IL13RA1: variants seen among roughly 807,000 people sequenced by gnomAD.
IL13RA1 encodes the protein interleukin-13 receptor subunit alpha-1.
IL13RA1 carries 14 observed loss-of-function variants against 33.8 expected under a neutral mutation model. The ratio of observed to expected loss-of-function variants is 0.41; its 90% confidence interval spans 0.27 to 0.65. The LOEUF (loss-of-function observed/expected upper bound fraction) is 0.65, where lower values mean the gene tolerates loss of function less well. Among genes scored for constraint, IL13RA1 ranks in the 30% least tolerant of loss-of-function variants. The probability of loss-of-function intolerance (pLI) is 0.28; values close to 1 mark genes in which losing one functional copy is unlikely to be tolerated. For synonymous variants in IL13RA1, 116 were observed against 115.7 expected (o/e 1.00, Z -0.02); for missense variants, 313 against 327.0 (o/e 0.96, Z 0.33).
At chrX:118,730,775 C>T (rs2147361246) in intron 1 of IL13RA1, among the ~76,000 whole-genome samples, 1 of 112,049 alleles carries the variant, frequency 8.9e-6, no homozygotes, top group East Asian at 2.8e-4. Flanking sequence ...GCGAACCCTT[C>T]CTGTCCAGGA....
intron 8 of IL13RA1, chrX:118,770,435 C>T (rs1055167634): frequency 2.5e-6 from 1 of 400,858 alleles, no homozygotes; most frequent in African/African-American, 2.5e-5. Context: ...CTGGCACTGG[C>T]CTTCCATGGC....
intron 8 of IL13RA1, among the ~76,000 whole-genome samples, chrX:118,768,067 T>A (rs921202461): frequency 9.0e-6 from 1 of 111,647 alleles, no homozygotes; most frequent in Non-Finnish European, 1.9e-5. Context: ...TTTCTAATAT[T>A]TGAGGTATTG....
intron 4 of IL13RA1, among the ~76,000 whole-genome samples, chrX:118,752,047 G>GTT (rs1569455758): frequency 9.1e-6 from 1 of 110,468 alleles, no homozygotes; most frequent in Non-Finnish European, 1.9e-5. Context: ...GTTCTGTGTG[G>GTT]TTATGTCTGA....
At chrX:118,784,088 A>ATATATAT (rs1486333613) in intron 10 of IL13RA1, among the ~76,000 whole-genome samples, 3 of 50,773 alleles carry the variant, frequency 5.9e-5, no homozygotes, top group Admixed American at 3.6e-4. Context: ...AAAAAAAAAA[A>ATATATAT]AAATATATAT....
In IL13RA1 at chrX:118,773,876, C is replaced by T; in HGVS notation, c.1010-3C>T. 1 of 895,072 alleles carries T rather than the reference C, an allele frequency of 1.1e-6. No homozygotes were observed. The highest frequency in any genetic ancestry group is 1.9e-5 in the African/African-American group (1 of 51,673). The allele number at this position is 895,072 out of a possible 1,213,427, so 73.8% of individuals were successfully genotyped here. A position where few individuals can be genotyped will look rare whatever the true frequency, so the allele number is the denominator to read the frequency against. On this transcript the variant is annotated splice_polypyrimidine_tract_variant and splice_region_variant and intron_variant, in intron 8 of 10. Coordinates refer to ENST00000371666, the MANE Select transcript of IL13RA1 (RefSeq NM_001560.3). ...GTCTTTCTGTTTGCTTTTCATTCTCCAGGTAAGAAGCGCAATTCCACACTC... is the reference window on the plus strand; with the variant it reads ...GTCTTTCTGTTTGCTTTTCATTCTCTAGGTAAGAAGCGCAATTCCACACTC...
chrX:118,799,642 G>A, the IL13RA1 span, among the ~76,000 whole-genome samples: 1 of 106,222 alleles, frequency 9.4e-6, no homozygotes, highest in South Asian at 4.4e-4. Context: ...TGCACCAATC[G>A]ACACTCTGTA....
downstream of IL13RA1, among the ~76,000 whole-genome samples, chrX:118,795,211 C>CAAAAAAAA (rs1222782237): frequency 1.1e-4 from 3 of 26,963 alleles, no homozygotes; most frequent in African/African-American, 4.7e-4. Flanking sequence ...GACTCCGTCT[C>CAAAAAAAA]AAAAAAAAAA....
At chrX:118,773,553 G>C (rs1428858391) in intron 8 of IL13RA1, among the ~76,000 whole-genome samples, 1 of 112,071 alleles carries the variant, frequency 8.9e-6, no homozygotes, top group Non-Finnish European at 1.9e-5. Context: ...TTCTGATCCA[G>C]ATTAAATTAA....
Position 118,784,088 on chromosome X carries a change from AAAATATAT to A in IL13RA1, c.1191+7579_1191+7586del, listed in dbSNP as rs1463631501. On this transcript the variant is annotated intron_variant, in intron 10 of 10. Coordinates refer to ENST00000371666, the MANE Select transcript of IL13RA1 (RefSeq NM_001560.3). ...TGAGACTCTGTCGCCAAAAAAAAAA[AAAATATAT>A]ATATATATATATACGTATATATGTA... Among the ~76,000 whole-genome samples the A allele has an allele frequency of 1.4e-3, 69 of 50,747 alleles. 1 individual carries two copies. Among genetic ancestry groups the A allele is most frequent in the African/African-American group, 6.4e-3 (65 of 10,134 alleles). The allele number at this position is 50,747 out of a possible 115,157, so 44.1% of individuals were successfully genotyped here. A position where few individuals can be genotyped will look rare whatever the true frequency, so the allele number is the denominator to read the frequency against.
chrX:118,762,216 T>G (rs1014821330), intron 6 of IL13RA1, among the ~76,000 whole-genome samples: 8 of 112,942 alleles, frequency 7.1e-5, no homozygotes, highest in Middle Eastern at 4.2e-3. Flanking sequence ...TCACACTTTT[T>G]TGTGTGGAAC....
In IL13RA1 at chrX:118,749,787, G is replaced by A. The variant is rs1251496582; in HGVS notation, c.488+9G>A. 8.9e-7 allele frequency: 1 copy of A among 1,117,934 alleles called. No individual in the cohort carries two copies. Among genetic ancestry groups the A allele is most frequent in the Admixed American group, 2.2e-5 (1 of 45,514 alleles). The allele number at this position is 1,117,934 out of a possible 1,213,427, so 92.1% of individuals were successfully genotyped here. A position where few individuals can be genotyped will look rare whatever the true frequency, so the allele number is the denominator to read the frequency against. Reference sequence around the variant, plus strand: ...TATACTCTCTACTATTGGTGAGTATGTACAGTACAATTACTGGAAGACTGA... The same window carrying A: ...TATACTCTCTACTATTGGTGAGTATATACAGTACAATTACTGGAAGACTGA... On this transcript the variant is annotated intron_variant, in intron 4 of 10. Transcript: ENST00000371666.
chrX:118,730,941 G>C (rs1269298169), intron 1 of IL13RA1, among the ~76,000 whole-genome samples: 1 of 112,557 alleles, frequency 8.9e-6, no homozygotes, highest in African/African-American at 3.2e-5. Context: ...TATGACTCTT[G>C]TGATTTCCTT....
intron 10 of IL13RA1, among the ~76,000 whole-genome samples, chrX:118,784,622 C>T (rs190116249): frequency 9.0e-6 from 1 of 111,519 alleles, no homozygotes; most frequent in East Asian, 2.8e-4. Flanking sequence ...ATGCTCACTA[C>T]CATTTTTTAT....
At chrX:118,784,009 G>A (rs1426844464) in intron 10 of IL13RA1, among the ~76,000 whole-genome samples, 1 of 95,318 alleles carries the variant, frequency 1.0e-5, no homozygotes, top group Admixed American at 1.2e-4. Flanking sequence ...CTGGGAGGCG[G>A]AGGTTGTAAT....
chrX:118,773,797 A>G, intron 8 of IL13RA1, 82 bp from the exon 9 acceptor site: 1 of 556,233 alleles, frequency 1.8e-6, no homozygotes. Context: ...TTGTGATCTT[A>G]CTAGCTAACA....
chrX:118,748,005 T>TTTTGTGTG (rs369385798), intron 3 of IL13RA1, among the ~76,000 whole-genome samples: 1 of 88,877 alleles, frequency 1.1e-5, no homozygotes, highest in Non-Finnish European at 2.2e-5. Flanking sequence ...AGAGTGAATG[T>TTTTGTGTG]TGTGTGTGTG....
the IL13RA1 span, among the ~76,000 whole-genome samples, chrX:118,802,201 T>G: frequency 5.4e-5 from 6 of 111,858 alleles, no homozygotes; most frequent in Non-Finnish European, 7.5e-5. Context: ...AATGGACAAT[T>G]AACAAACATC....
At chrX:118,775,943 G>T (rs1026210271) in intron 9 of IL13RA1, among the ~76,000 whole-genome samples, 6 of 111,276 alleles carry the variant, frequency 5.4e-5, no homozygotes, top group African/African-American at 2.0e-4. Context: ...AAGACCGAAA[G>T]GAGTGCTCAT....
At chrX:118,756,023 A>T (rs1409833458) in intron 4 of IL13RA1, among the ~76,000 whole-genome samples, 4 of 108,840 alleles carry the variant, frequency 3.7e-5, no homozygotes, top group African/African-American at 6.7e-5. Flanking sequence ...TTTTTTTTTT[A>T]AACTGACTTG....
Sources: allele counts gnomAD v4.1 joint callset (sites outside exome capture counted in the v4.1 genomes callset), GRCh38; gene constraint gnomAD v4.1.1; transcripts MANE v1.5; gene names NCBI Gene and HGNC (gene_info 2026-07-23, HGNC 2026-07-21).